SLC22A3: variants seen among roughly 807,000 people sequenced by gnomAD.
SLC22A3 encodes the protein solute carrier family 22 member 3.
SLC22A3 carries 51 observed loss-of-function variants against 59.1 expected under a neutral mutation model. The ratio of observed to expected loss-of-function variants is 0.86; its 90% CI spans 0.69 to 1.09. SLC22A3 has a LOEUF of 1.09. SLC22A3 is among the 50% of genes least tolerant of loss of function. SLC22A3 has a pLI of 0.00. For missense variants in SLC22A3, 711 were observed against 726.3 expected, an observed-to-expected ratio of 0.98 and a Z score of 0.24; for synonymous variants, 325 against 292.0, an observed-to-expected ratio of 1.11 and a Z score of -1.15.
intron 5 of SLC22A3, among the ~76,000 whole-genome samples, chr6:160,427,633 T>C (rs1003828549): frequency 2.6e-5 from 4 of 152,192 alleles, no homozygotes; most frequent in African/African-American, 9.6e-5. Context: ...TCCCAAAGCA[T>C]TCAGAAGACT....
intron 5 of SLC22A3, among the ~76,000 whole-genome samples, chr6:160,425,622 C>G (rs1351691304): frequency 6.6e-6 from 1 of 151,826 alleles, no homozygotes; most frequent in Non-Finnish European, 1.5e-5. Flanking sequence ...TAACTAAACA[C>G]GAAGTTGAAG....
intron 1 of SLC22A3, among the ~76,000 whole-genome samples, chr6:160,355,619 A>G (rs1784809734): frequency 6.6e-6 from 1 of 151,654 alleles, no homozygotes; most frequent in Non-Finnish European, 1.5e-5. Flanking sequence ...AAATACAAAA[A>G]CGATTAGCCA....
chr6:160,376,890 A>C (rs946819957), intron 1 of SLC22A3, among the ~76,000 whole-genome samples: 5 of 152,242 alleles, frequency 3.3e-5, no homozygotes, highest in Non-Finnish European at 5.9e-5. Context: ...ACTATTATTA[A>C]TGTGACCTCA....
intron 1 of SLC22A3, chr6:160,349,194 G>A: frequency 1.8e-6 from 1 of 543,130 alleles, no homozygotes; most frequent in Non-Finnish European, 2.3e-6. Flanking sequence ...AGGTGTGCGG[G>A]CGCCGTCATT....
chr6:160,348,666 C>G lies in SLC22A3; in HGVS notation c.247C>G (p.Pro83Ala). ...RTAPASRGPE[P>A]PERRGRCQRY... ...GGCGCCCGCCTCCCGCGGCCCAGAG[C>G]CCCCCGAGCGCCGCGGCCGCTGCCA... Residue 83 changes from proline (P) to alanine (A), a missense_variant, in exon 1 of 11, where the codon CCC becomes GCC. Pro to Ala is a conservative substitution (Grantham distance 27, BLOSUM62 -1). Transcript: ENST00000275300. The G allele has an allele frequency of 6.6e-7, 1 of 1,507,024 alleles. No individual in the cohort carries two copies. Among genetic ancestry groups the G allele is most frequent in the Non-Finnish European group, 8.8e-7 (1 of 1,135,858 alleles). The allele number at this position is 1,507,024 out of a possible 1,614,324, so 93.4% of individuals were successfully genotyped here.
intron 1 of SLC22A3, among the ~76,000 whole-genome samples, chr6:160,353,935 CAA>C (rs1249502242): frequency 6.6e-6 from 1 of 152,126 alleles, no homozygotes; most frequent in Non-Finnish European, 1.5e-5. Flanking sequence ...ACAGGTATCC[CAA>C]ATCTTATCAG....
intron 9 of SLC22A3, among the ~76,000 whole-genome samples, chr6:160,445,609 T>A (rs1256812170): frequency 6.6e-6 from 1 of 152,204 alleles, no homozygotes; most frequent in East Asian, 1.9e-4. Context: ...AAGGATGTCA[T>A]CATCAGGAGA....
At chr6:160,401,159 C>A (rs1786766434) in intron 2 of SLC22A3, among the ~76,000 whole-genome samples, 1 of 151,674 alleles carries the variant, frequency 6.6e-6, no homozygotes, top group African/African-American at 2.4e-5. Flanking sequence ...ACAATAATGA[C>A]TGAGAATTTT....
chr6:160,372,902 CT>C (rs1278731001), intron 1 of SLC22A3, among the ~76,000 whole-genome samples: 1 of 151,974 alleles, frequency 6.6e-6, no homozygotes, highest in Non-Finnish European at 1.5e-5. Context: ...TTCATATAAC[CT>C]TTTTTCAAGG....
intron 3 of SLC22A3, among the ~76,000 whole-genome samples, chr6:160,408,349 G>T (rs898514417): frequency 6.6e-6 from 1 of 152,176 alleles, no homozygotes; most frequent in South Asian, 2.1e-4. Flanking sequence ...AGACTAGAAT[G>T]TGCATATCTC....
At chr6:160,414,040 C>A (rs964728966) in intron 5 of SLC22A3, among the ~76,000 whole-genome samples, 2 of 152,146 alleles carry the variant, frequency 1.3e-5, no homozygotes, top group Non-Finnish European at 1.5e-5. Flanking sequence ...TCTGTAGGAT[C>A]CTTTAACACG....
At chr6:160,424,288 T>C (rs1226185771) in intron 5 of SLC22A3, among the ~76,000 whole-genome samples, 3 of 152,228 alleles carry the variant, frequency 2.0e-5, no homozygotes, top group South Asian at 2.1e-4. Context: ...TTTCTTCAGA[T>C]AAAATTAAAT....
At chr6:160,406,890 G>A in intron 2 of SLC22A3, 151 bp from the exon 3 acceptor site, 1 of 910,066 alleles carries the variant, frequency 1.1e-6, no homozygotes, top group Non-Finnish European at 1.6e-6. Flanking sequence ...AGGCAACATA[G>A]GGACACCCTG....
chr6:160,428,930 C>A (rs1466668251), intron 5 of SLC22A3, among the ~76,000 whole-genome samples: 1 of 152,162 alleles, frequency 6.6e-6, no homozygotes, highest in Non-Finnish European at 1.5e-5. Context: ...TATTTCCACC[C>A]AGAAGCTGGC....
Position 160,410,814 on chromosome 6 carries a change from A to G in SLC22A3, c.943A>G (p.Asn315Asp), listed in dbSNP as rs1250815155. ...GATCCTGAGACGCATTGCTAAGTGC[A>G]ATGGGAAATACCTCTCATCAAATTA... ...LQILRRIAKCNGKYLSSNYSE... is the reference protein window; with the variant it reads ...LQILRRIAKCDGKYLSSNYSE... The change falls in exon 5 of 11, where the codon AAT (asparagine) becomes GAT (aspartate). Residue 315 changes from asparagine to aspartate, a missense_variant. Transcript: ENST00000275300. 6 of 1,610,656 alleles carry G rather than the reference A, an allele frequency of 3.7e-6. No individual in the cohort carries two copies. The South Asian group carries it at 4.4e-5, about 12-fold the overall frequency.
intron 5 of SLC22A3, among the ~76,000 whole-genome samples, chr6:160,421,141 C>A (rs888390239): frequency 2.0e-5 from 3 of 152,208 alleles, no homozygotes; most frequent in Non-Finnish European, 2.9e-5. Flanking sequence ...GATGGCTGGA[C>A]CTGCCCTTCC....
At chr6:160,421,413 G>T (rs1265351176) in intron 5 of SLC22A3, among the ~76,000 whole-genome samples, 1 of 152,134 alleles carries the variant, frequency 6.6e-6, no homozygotes, top group Non-Finnish European at 1.5e-5. Context: ...ACATGACATT[G>T]GCAACTGCTC....
chr6:160,424,106 C>T, intron 5 of SLC22A3, among the ~76,000 whole-genome samples: 1 of 152,086 alleles, frequency 6.6e-6, no homozygotes, highest in East Asian at 1.9e-4. Context: ...CTTGTTAACA[C>T]ATTCTTGTCT....
chr6:160,447,752 T>G lies in SLC22A3; in HGVS notation c.1544T>G (p.Met515Arg). The G allele has an allele frequency of 1.2e-6, 2 of 1,614,150 alleles. No homozygotes were observed. The highest frequency in any genetic ancestry group is 1.7e-6 in the Non-Finnish European group (2 of 1,180,002). The change falls in exon 10 of 11, where the codon ATG (methionine) becomes AGG (arginine). Residue 515 changes from methionine to arginine, a missense_variant. Met to Arg is a moderately conservative substitution (Grantham distance 91, BLOSUM62 -1). Coordinates refer to ENST00000275300, the MANE Select transcript of SLC22A3 (RefSeq NM_021977.4). ...GCATCCATCTGTGGTGGCCTTGTGA[T>G]GCTTTTGCCTGAAACCAAGGGTATT... Reference protein sequence around the residue: ...ILASICGGLVMLLPETKGIAL... With the variant: ...ILASICGGLVRLLPETKGIAL...
Sources: gnomAD v4.1 joint callset for allele counts (sites outside exome capture counted in the v4.1 genomes callset) on GRCh38, gnomAD v4.1.1 for gene constraint, MANE v1.5 for transcripts, NCBI Gene and HGNC (gene_info 2026-07-23, HGNC 2026-07-21) for gene names.